The following SULF2 variants were observed in gnomAD, a reference collection of about 807,000 sequenced individuals.
The protein encoded by SULF2 is extracellular sulfatase Sulf-2.
In SULF2, 52 loss-of-function variants were observed where a neutral mutation model predicts 107.7. The observed-to-expected ratio is 0.48, with a 90% CI of 0.39 to 0.61. The LOEUF (loss-of-function observed/expected upper bound fraction) is 0.61. Ranked by LOEUF, SULF2 falls within the 20% of genes least tolerant of loss-of-function variation. The pLI, the probability that SULF2 is intolerant of heterozygous loss-of-function variation, is 0.00. For missense variants in SULF2, 993 were observed against 1,177.3 expected (o/e 0.84, Z 2.29); for synonymous variants, 460 against 464.3 (o/e 0.99, Z 0.12).
Position 47,672,040 on chromosome 20 carries a change from G to C in SULF2, c.1576+158C>G, listed in dbSNP as rs554160542. Among the ~76,000 whole-genome samples, 63 of 152,304 alleles carry C rather than the reference G, an allele frequency of 4.1e-4. No individual in the cohort carries two copies. The East Asian group carries it at 5.2e-3, about 13-fold the overall frequency. On this transcript the variant is annotated intron_variant, in intron 11 of 20. Transcript: ENST00000688720. ...TGTTTATTACTACTGCTCCCCACTA[G>C]AATGGGTGGCTCGTGAGGAGATGTG...
chr20:47,721,618 C>T (rs1235150357), intron 3 of SULF2, among the ~76,000 whole-genome samples: 1 of 152,224 alleles, frequency 6.6e-6, no homozygotes, highest in Non-Finnish European at 1.5e-5. Flanking sequence ...GATCCACCCG[C>T]CTCAGCCTCC....
chr20:47,770,983 C>T (rs1377819388), intron 1 of SULF2, among the ~76,000 whole-genome samples: 2 of 152,208 alleles, frequency 1.3e-5, no homozygotes, highest in African/African-American at 2.4e-5. Context: ...CACAGACCCA[C>T]ATCTCAACAA....
chr20:47,761,542 A>G (rs2090419616), intron 1 of SULF2, among the ~76,000 whole-genome samples: 1 of 152,390 alleles, frequency 6.6e-6, no homozygotes, highest in South Asian at 2.1e-4. Flanking sequence ...AATTGTACAA[A>G]TAAAAGTCAA....
chr20:47,707,741 G>C (rs561553592), intron 3 of SULF2, among the ~76,000 whole-genome samples: 87 of 152,228 alleles, frequency 5.7e-4, no homozygotes, highest in African/African-American at 1.9e-3. Context: ...CAGGAAGACT[G>C]TACTTCTTCC....
At chr20:47,766,947 T>C (rs1270161575) in intron 1 of SULF2, among the ~76,000 whole-genome samples, 1 of 108,664 alleles carries the variant, frequency 9.2e-6, no homozygotes, top group Non-Finnish European at 2.0e-5. Flanking sequence ...TCATGATCAG[T>C]AGAAAAAAAA....
chr20:47,724,840 CCAT>C (rs2089395284), intron 3 of SULF2, among the ~76,000 whole-genome samples: 1 of 152,174 alleles, frequency 6.6e-6, no homozygotes, highest in Non-Finnish European at 1.5e-5. Context: ...GTTCTCAGCG[CCAT>C]CAGACTGACC....
rs566515690 is a variant in SULF2 at position 47,734,466 on chromosome 20, G to A, written c.415+2237C>T. Among the ~76,000 whole-genome samples the A allele has an allele frequency of 3.1e-4, 47 of 152,288 alleles. No individual in the cohort carries two copies. The East Asian group carries it at 8.9e-3, about 29-fold the overall frequency. On this transcript the variant is annotated intron_variant, in intron 3 of 20. Coordinates refer to ENST00000688720, the MANE Select transcript of SULF2 (RefSeq NM_001387048.1). ...TTATAGATTTTTGTCATTTTTCTTA[G>A]TCAACACTGATCAGTATAACATATC... is the stretch of plus-strand genomic sequence containing the variant.
At chr20:47,720,413 G>A (rs150733358) in intron 3 of SULF2, among the ~76,000 whole-genome samples, 24 of 151,998 alleles carry the variant, frequency 1.6e-4, no homozygotes, top group African/African-American at 5.6e-4. Context: ...ACACCACCAC[G>A]CCCGGCTAAT....
chr20:47,690,297 T>TG lies in SULF2; in HGVS notation c.568-3dup, dbSNP rs1165812550. Reference sequence around the variant, plus strand: ...GGTGATGAGGTCTGTGAGGTAATCCTGGGGGGTGGGGAGAGACAGGAGAAC... The same window carrying TG: ...GGTGATGAGGTCTGTGAGGTAATCCTGGGGGGGTGGGGAGAGACAGGAGAAC... On this transcript the variant is annotated splice_region_variant and splice_polypyrimidine_tract_variant and intron_variant, in intron 4 of 20. Coordinates refer to ENST00000688720, the MANE Select transcript of SULF2 (RefSeq NM_001387048.1). The TG allele has an allele frequency of 2.0e-6, 3 of 1,468,678 alleles. No individual in the cohort carries two copies. Among genetic ancestry groups the TG allele is most frequent in the East Asian group, 2.5e-5 (1 of 39,296 alleles). The allele number at this position is 1,468,678 out of a possible 1,614,324, so 91.0% of individuals were successfully genotyped here.
At chr20:47,713,924 C>A (rs545007363) in intron 3 of SULF2, among the ~76,000 whole-genome samples, 8 of 152,056 alleles carry the variant, frequency 5.3e-5, no homozygotes, top group Non-Finnish European at 1.2e-4. Context: ...TGGCAAGGCC[C>A]CTCCGAGACT....
Position 47,665,953 on chromosome 20 carries a change from C to A in SULF2, c.1806G>T (p.Arg602=), listed in dbSNP as rs749103609. 1.1e-5 allele frequency: 17 copies of A among 1,613,952 alleles called. No homozygotes were observed. In the South Asian group the frequency reaches 1.1e-4, roughly 10 times the overall value. ...CTGTGTCGTTCTCTAGGATGTAGCA[C>A]CTGCTTGAGAGAAGGGATCACGTGT... ...SAANPIKVTH[R]CYILENDTVQ... Residue 602 remains arginine (R), a splice_region_variant and synonymous_variant, in exon 13 of 21, where the codon CGG becomes CGT. Coordinates refer to ENST00000688720, the MANE Select transcript of SULF2 (RefSeq NM_001387048.1).
At chr20:47,725,185 G>A (rs867105737) in intron 3 of SULF2, among the ~76,000 whole-genome samples, 17 of 152,174 alleles carry the variant, frequency 1.1e-4, no homozygotes, top group African/African-American at 3.9e-4. Flanking sequence ...CACTGTCATC[G>A]GGGATGGGAC....
chr20:47,663,528 C>A lies in SULF2; in HGVS notation c.2152G>T (p.Asp718Tyr). The A allele has an allele frequency of 6.2e-7, 1 of 1,612,954 alleles. No individual in the cohort carries two copies. The highest frequency in any genetic ancestry group is 1.1e-5 in the South Asian group (1 of 91,076). Residue 718 changes from aspartate (D) to tyrosine (Y), a missense_variant, in exon 16 of 21, where the codon GAC becomes TAC. Physicochemically the swap from Asp to Tyr is radical, Grantham distance 160 (BLOSUM62 -3). Coordinates refer to ENST00000688720, the MANE Select transcript of SULF2 (RefSeq NM_001387048.1). ...GTGAGGCCTGGCATGCTGCACGTGTCGTTGTTCTGCAGGCGCTTGAGCAGC... is the reference window on the plus strand; with the variant it reads ...GTGAGGCCTGGCATGCTGCACGTGTAGTTGTTCTGCAGGCGCTTGAGCAGC... The part of the protein sequence containing the change: ...RKLLKRLQNN[D>Y]TCSMPGLTCF...
chr20:47,739,163 G>A (rs1259387321), intron 2 of SULF2, among the ~76,000 whole-genome samples: 1 of 152,218 alleles, frequency 6.6e-6, no homozygotes, highest in Non-Finnish European at 1.5e-5. Context: ...ACTGTTGAGA[G>A]AGTAAATTTC....
At chr20:47,742,927 ATTTTTTTTTTTTT>A (rs397837137) in intron 2 of SULF2, among the ~76,000 whole-genome samples, 12 of 99,454 alleles carry the variant, frequency 1.2e-4, no homozygotes, top group East Asian at 6.2e-4. Context: ...TCAAAACATG[ATTTTTTTTTTTTT>A]TTTTTTTTTT....
chr20:47,665,797 CG>C, intron 13 of SULF2, 59 bp downstream of exon 13: 2 of 1,445,292 alleles, frequency 1.4e-6, no homozygotes, highest in Non-Finnish European at 1.9e-6. Context: ...CACTGTGAAC[CG>C]GGGGTCCTGC....
intron 3 of SULF2, among the ~76,000 whole-genome samples, chr20:47,710,573 A>G (rs1000031965): frequency 1.3e-5 from 2 of 151,804 alleles, no homozygotes; most frequent in Non-Finnish European, 2.9e-5. Flanking sequence ...CACGTTTCTC[A>G]GCATGTATCC....
chr20:47,678,464 T>C lies in SULF2; in HGVS notation c.1193+212A>G, dbSNP rs1568803517. 1.6e-6 allele frequency: 1 copy of C among 614,574 alleles called. No homozygotes were observed. Among genetic ancestry groups the C allele is most frequent in the East Asian group, 2.7e-5 (1 of 36,550 alleles). The allele number at this position is 614,574 out of a possible 1,614,324, so 38.1% of individuals were successfully genotyped here. A position where few individuals can be genotyped will look rare whatever the true frequency, so the allele number is the denominator to read the frequency against. On this transcript the variant is annotated intron_variant, in intron 8 of 20. Coordinates refer to ENST00000688720, the MANE Select transcript of SULF2 (RefSeq NM_001387048.1). This position sits in a 1 kb window ranked among gnomAD's most constrained non-coding sequence, Gnocchi z 4.5. Reference sequence around the variant, plus strand: ...TAGCTCAGAGAAGGTCCCCAACTGGTCACCTTGGCCACATTCCAGATGGGA... The same window carrying C: ...TAGCTCAGAGAAGGTCCCCAACTGGCCACCTTGGCCACATTCCAGATGGGA...
intron 3 of SULF2, among the ~76,000 whole-genome samples, chr20:47,725,466 C>T (rs932600794): frequency 6.6e-6 from 1 of 152,188 alleles, no homozygotes; most frequent in Admixed American, 6.5e-5. Flanking sequence ...CAAAGTCCTT[C>T]TTAGTCTCCG....
Sources: gnomAD v4.1 joint callset for allele counts (sites outside exome capture counted in the v4.1 genomes callset) on GRCh38, gnomAD v4.1.1 for gene constraint, Gnocchi (gnomAD v3.1) non-coding constraint, MANE v1.5 for transcripts, NCBI Gene and HGNC (gene_info 2026-07-23, HGNC 2026-07-21) for gene names.